RPS6KC1: variants seen among roughly 807,000 people sequenced by gnomAD.
RPS6KC1 encodes inactive ribosomal protein S6 kinase delta-1.
In RPS6KC1, 54 loss-of-function variants were observed where a neutral mutation model predicts 103.8. That is an observed-to-expected ratio of 0.52 (90% confidence interval 0.42 to 0.65). The LOEUF (loss-of-function observed/expected upper bound fraction) is 0.65. RPS6KC1 is among the 30% of genes least tolerant of loss of function. RPS6KC1 has a pLI of 0.00. For synonymous variants in RPS6KC1, 439 were observed against 438.7 expected, an observed-to-expected ratio of 1.00 and a Z score of -0.01; for missense variants, 1,151 against 1,253.8, an observed-to-expected ratio of 0.92 and a Z score of 1.24.
At chr1:213,299,835 C>T in the RPS6KC1 span, among the ~76,000 whole-genome samples, 5 of 152,052 alleles carry the variant, frequency 3.3e-5, no homozygotes, top group African/African-American at 9.7e-5. Context: ...GACGGAGTCT[C>T]GTTCTGTCGC....
At chr1:213,597,704 C>G in the RPS6KC1 span, among the ~76,000 whole-genome samples, 1 of 152,180 alleles carries the variant, frequency 6.6e-6, no homozygotes, top group African/African-American at 2.4e-5. Flanking sequence ...CTTCTAAACG[C>G]TTTAGGAGTC....
the RPS6KC1 span, among the ~76,000 whole-genome samples, chr1:213,341,584 T>C: frequency 3.3e-5 from 5 of 152,222 alleles, no homozygotes; most frequent in Admixed American, 6.5e-5. Context: ...TACTTAGTCC[T>C]TCTAATAAGA....
At chr1:213,377,910 G>A in the RPS6KC1 span, among the ~76,000 whole-genome samples, 1 of 152,170 alleles carries the variant, frequency 6.6e-6, no homozygotes, top group Non-Finnish European at 1.5e-5. Flanking sequence ...TGGGACTTTA[G>A]TCCTAAAACT....
the RPS6KC1 span, among the ~76,000 whole-genome samples, chr1:213,371,768 C>T: frequency 1.3e-5 from 2 of 152,330 alleles, no homozygotes; most frequent in East Asian, 1.9e-4. Context: ...TGGGCCAAGG[C>T]AGTGGCCTGC....
chr1:213,139,165 G>A (rs2086728151), intron 6 of RPS6KC1, among the ~76,000 whole-genome samples: 1 of 151,182 alleles, frequency 6.6e-6, no homozygotes, highest in Non-Finnish European at 1.5e-5. Flanking sequence ...TTTGAGAAGT[G>A]CCTGTTCATG....
At chr1:213,307,026 G>T in the RPS6KC1 span, among the ~76,000 whole-genome samples, 1 of 149,762 alleles carries the variant, frequency 6.7e-6, no homozygotes, top group South Asian at 2.1e-4. Context: ...CTAAACTGCT[G>T]TCTTTCACAT....
chr1:213,133,348 A>G (rs1223857771), intron 6 of RPS6KC1, among the ~76,000 whole-genome samples: 1 of 152,172 alleles, frequency 6.6e-6, no homozygotes, highest in East Asian at 1.9e-4. Context: ...GGATTACATA[A>G]AGGTATCAAT....
the RPS6KC1 span, among the ~76,000 whole-genome samples, chr1:213,321,009 G>C: frequency 6.6e-6 from 1 of 152,196 alleles, no homozygotes; most frequent in Non-Finnish European, 1.5e-5. Flanking sequence ...AGGGTGAGGT[G>C]TTGAGCAGAA....
the RPS6KC1 span, among the ~76,000 whole-genome samples, chr1:213,732,348 A>AGTGTGTGTGT: frequency 2.8e-4 from 22 of 79,122 alleles, no homozygotes; most frequent in Admixed American, 5.3e-4. Context: ...TGTATGTATG[A>AGTGTGTGTGT]GTGTGCGTGT....
At chr1:213,055,546 G>A (rs1345804856) in intron 1 of RPS6KC1, among the ~76,000 whole-genome samples, 1 of 152,098 alleles carries the variant, frequency 6.6e-6, no homozygotes, top group African/African-American at 2.4e-5. Context: ...ACAAGTCTTT[G>A]TATGGACATA....
At chr1:213,552,853 T>C in the RPS6KC1 span, among the ~76,000 whole-genome samples, 2 of 152,214 alleles carry the variant, frequency 1.3e-5, no homozygotes, top group East Asian at 3.8e-4. Flanking sequence ...TTTCTTGTAA[T>C]TCCTTTCATC....
intron 2 of RPS6KC1, among the ~76,000 whole-genome samples, chr1:213,076,723 T>TC (rs1287261874): frequency 6.8e-4 from 103 of 152,312 alleles, no homozygotes; most frequent in African/African-American, 2.4e-3. Flanking sequence ...ATTTTGTTTT[T>TC]TAAAAATATA....
the RPS6KC1 span, among the ~76,000 whole-genome samples, chr1:213,496,031 A>C: frequency 6.6e-6 from 1 of 152,208 alleles, no homozygotes; most frequent in African/African-American, 2.4e-5. Context: ...AGCTCAAAAG[A>C]TACTTTTCAT....
At chr1:213,635,823 C>T in the RPS6KC1 span, among the ~76,000 whole-genome samples, 4 of 152,180 alleles carry the variant, frequency 2.6e-5, no homozygotes, top group Non-Finnish European at 5.9e-5. Flanking sequence ...AAGAGGAAGT[C>T]AAATTGTCCC....
chr1:213,115,798 AT>A (rs1193822799), intron 4 of RPS6KC1, among the ~76,000 whole-genome samples: 1 of 152,134 alleles, frequency 6.6e-6, no homozygotes, highest in Non-Finnish European at 1.5e-5. Flanking sequence ...TTCTGCCTTC[AT>A]TTTGTTATGT....
intron 8 of RPS6KC1, among the ~76,000 whole-genome samples, chr1:213,202,013 A>G (rs1334864832): frequency 6.6e-6 from 1 of 152,192 alleles, no homozygotes; most frequent in African/African-American, 2.4e-5. Context: ...TACACCATGC[A>G]GAATTCTAAG....
intron 7 of RPS6KC1, among the ~76,000 whole-genome samples, chr1:213,170,113 T>C (rs2091356450): frequency 6.6e-6 from 1 of 152,210 alleles, no homozygotes; most frequent in Admixed American, 6.5e-5. Context: ...GATTTAAAAT[T>C]ACCAGTATTC....
intron 2 of RPS6KC1, among the ~76,000 whole-genome samples, chr1:213,075,025 G>A (rs2079199681): frequency 6.6e-6 from 1 of 151,432 alleles, no homozygotes; most frequent in African/African-American, 2.4e-5. Context: ...CTAATTTTTT[G>A]TATTTTTTGT....
rs2082286060 is a variant in RPS6KC1 at position 213,104,436 on chromosome 1, A to AT, written c.263-16dup. The AT allele has an allele frequency of 1.2e-5, 18 of 1,505,646 alleles. No homozygotes were observed. The highest frequency in any genetic ancestry group is 1.6e-5 in the Non-Finnish European group (17 of 1,083,640). 93.3% of individuals were successfully genotyped at this position (1,505,646 alleles called of 1,614,324 possible). A position where few individuals can be genotyped will look rare whatever the true frequency, so the allele number is the denominator to read the frequency against. ...TTGATCATTCTTCCCTTAAGTGTTGATTCTTATTTAATTGTAGGGCGATTT... is the reference window on the plus strand; with the variant it reads ...TTGATCATTCTTCCCTTAAGTGTTGATTTCTTATTTAATTGTAGGGCGATTT... On this transcript the variant is annotated splice_polypyrimidine_tract_variant and intron_variant, in intron 3 of 14. Coordinates refer to ENST00000366960, the MANE Select transcript of RPS6KC1 (RefSeq NM_012424.6).
Sources: gnomAD v4.1 joint callset for allele counts (sites outside exome capture counted in the v4.1 genomes callset) on GRCh38, gnomAD v4.1.1 for gene constraint, MANE v1.5 for transcripts, NCBI Gene and HGNC (gene_info 2026-07-23, HGNC 2026-07-21) for gene names.